TMEM134: variants seen among roughly 807,000 people sequenced by gnomAD.
The protein encoded by TMEM134 is transmembrane protein 134.
A neutral mutation model predicts 26.2 loss-of-function variants in TMEM134; 36 were observed. The observed-to-expected ratio is 1.37, with a 90% CI of 1.05 to 1.81. The LOEUF is 1.81. Ranked by LOEUF, TMEM134 falls within the 40% of genes most tolerant of loss-of-function variation. The pLI, the probability that TMEM134 is intolerant of heterozygous loss-of-function variation, is 0.00. For synonymous variants in TMEM134, 133 were observed against 113.6 expected (o/e 1.17, Z -1.08); for missense variants, 339 against 263.5 (o/e 1.29, Z -1.98).
At chr11:67,464,753 C>T in intron 6 of TMEM134, 50 bp downstream of exon 6, 2 of 1,550,486 alleles carry the variant, frequency 1.3e-6, no homozygotes, top group East Asian at 2.4e-5. Flanking sequence ...ACACCGCCCC[C>T]AGTGCCGCCC....
chr11:67,464,992 GC>G, intron 5 of TMEM134, 63 bp downstream of exon 5: 1 of 1,494,074 alleles, frequency 6.7e-7, no homozygotes, highest in South Asian at 1.2e-5. Context: ...GGGAGGGCTT[GC>G]CGTGGACCCG....
Position 67,468,080 on chromosome 11 carries a change from C to A in TMEM134, c.187G>T (p.Asp63Tyr). The change falls in exon 2 of 7, where the codon GAT (aspartate) becomes TAT (tyrosine). Residue 63 changes from aspartate to tyrosine, a missense_variant. Physicochemically the swap from Asp to Tyr is radical, Grantham distance 160. Coordinates refer to ENST00000308022, the MANE Select transcript of TMEM134 (RefSeq NM_025124.4). Reference protein sequence around the residue: ...SRLRYQNLENDEDGAQASPEP... With the variant: ...SRLRYQNLENYEDGAQASPEP... ...GGAGAGGCCTGGGCTCCATCCTCATCGTTCTCCAGGTTCTGTTGCAGAACA... is the reference window on the plus strand; with the variant it reads ...GGAGAGGCCTGGGCTCCATCCTCATAGTTCTCCAGGTTCTGTTGCAGAACA... 1 of 1,564,180 alleles carries A rather than the reference C, an allele frequency of 6.4e-7. No homozygotes were observed. The highest frequency in any genetic ancestry group is 2.4e-5 in the East Asian group (1 of 41,878).
intron 2 of TMEM134, 44 bp downstream of exon 2, chr11:67,467,984 A>T (rs1283078310): frequency 1.6e-5 from 24 of 1,534,070 alleles, no homozygotes; most frequent in Non-Finnish European, 2.1e-5. Context: ...TGGGGATAGG[A>T]GCTGGGGCTG....
chr11:67,464,287 G>C lies in TMEM134; in HGVS notation c.*327C>G. On this transcript the variant is annotated 3_prime_UTR_variant, in exon 7 of 7. Coordinates refer to ENST00000308022, the MANE Select transcript of TMEM134 (RefSeq NM_025124.4). Reference sequence around the variant, plus strand: ...CTTCAGCGTCAGGGTCAGTCCTTGGGAGGGGGGCTGTGGTCAGGCTGGTGG... The same window carrying C: ...CTTCAGCGTCAGGGTCAGTCCTTGGCAGGGGGGCTGTGGTCAGGCTGGTGG... 2 of 440,548 alleles carry C rather than the reference G, an allele frequency of 4.5e-6. No homozygotes were observed. The highest frequency in any genetic ancestry group is 4.2e-6 in the Non-Finnish European group (1 of 240,124). 27.3% of individuals were successfully genotyped at this position (440,548 alleles called of 1,614,324 possible).
Position 67,467,626 on chromosome 11 carries a change from C to T in TMEM134, c.240-36G>A, listed in dbSNP as rs764335417. The T allele has an allele frequency of 6.2e-6, 10 of 1,606,066 alleles. No homozygotes were observed. The East Asian group carries it at 2.2e-4, about 36-fold the overall frequency. On this transcript the variant is annotated intron_variant, in intron 2 of 6. Transcript: ENST00000308022. ...AGGCGCCCAGTGAGGGGCAGGGAGG[C>T]AAGGACGGGGTTGCTTTGGGACAGG...
intron 1 of TMEM134, 112 bp downstream of exon 1, chr11:67,468,907 G>A: frequency 3.6e-6 from 4 of 1,113,548 alleles, no homozygotes; most frequent in Non-Finnish European, 3.5e-6. Flanking sequence ...GGGCGGTCTC[G>A]CGCTTCAGCT....
In TMEM134 at chr11:67,463,953, G is replaced by C. The variant is rs537775689; in HGVS notation, c.*661C>G. 7.1e-5 allele frequency: 11 copies of C among 154,774 alleles called. No homozygotes were observed. The South Asian group carries it at 2.1e-3, about 29-fold the overall frequency. 9.6% of individuals were successfully genotyped at this position (154,774 alleles called of 1,614,324 possible). A position where few individuals can be genotyped will look rare whatever the true frequency, so the allele number is the denominator to read the frequency against. On this transcript the variant is annotated 3_prime_UTR_variant, in exon 7 of 7. Coordinates refer to ENST00000308022, the MANE Select transcript of TMEM134 (RefSeq NM_025124.4). Reference sequence around the variant, plus strand: ...GGAGGGCAGTGGGTGGAGGGGGCTGGGCCATTGCCTTGACATGGCCCACAT... The same window carrying C: ...GGAGGGCAGTGGGTGGAGGGGGCTGCGCCATTGCCTTGACATGGCCCACAT...
intron 4 of TMEM134, chr11:67,466,755 GA>G (rs1865274998): frequency 1.2e-5 from 2 of 160,928 alleles, no homozygotes; most frequent in African/African-American, 4.8e-5. Context: ...GGGAGCCAAA[GA>G]ACACCTGGTG....
chr11:67,465,187 T>C (rs1591015865), intron 4 of TMEM134, 87 bp from the exon 5 acceptor site: 1 of 1,534,644 alleles, frequency 6.5e-7, no homozygotes, highest in South Asian at 1.2e-5. Context: ...ACCCACCACC[T>C]GAGCTGAAGG....
chr11:67,465,155 G>A (rs1328308784), intron 4 of TMEM134, 55 bp from the exon 5 acceptor site: 2 of 1,537,594 alleles, frequency 1.3e-6, no homozygotes, highest in African/African-American at 2.7e-5. Flanking sequence ...GAGGGCGGGG[G>A]CTCCCACCCC....
rs1865037913 is a variant in TMEM134, at chr11:67,462,196, G to A, written c.*2418C>T. On this transcript the variant is annotated 3_prime_UTR_variant, in exon 7 of 7. Coordinates refer to ENST00000308022, the MANE Select transcript of TMEM134 (RefSeq NM_025124.4). ...AAAAAACAAAAAAAAAAAAAACAAG[G>A]AGTAAAAAGTTGTTAGCTGCGATTC... 6.6e-6 allele frequency: 1 copy of A among 150,960 alleles called. No individual in the cohort carries two copies. Among genetic ancestry groups the A allele is most frequent in the African/African-American group, 2.4e-5 (1 of 41,010 alleles). The allele number at this position is 150,960 out of a possible 1,614,324, so 9.4% of individuals were successfully genotyped here. A position where few individuals can be genotyped will look rare whatever the true frequency, so the allele number is the denominator to read the frequency against.
At position 67,467,560 on chromosome 11, in the gene TMEM134, G is replaced by C; in HGVS notation, c.270C>G (p.Ser90=). 6.2e-7 allele frequency: 1 copy of C among 1,614,122 alleles called. No homozygotes were observed. The highest frequency in any genetic ancestry group is 2.2e-5 in the East Asian group (1 of 44,890). Residue 90 remains serine (S), a synonymous_variant, in exon 3 of 7, where the codon TCC becomes TCG. Transcript: ENST00000308022. ...TGCTGATGGTGCTGAAGGACCACTGGGAGCTGCGGATGGAAGTTCGGCTGG... is the reference window on the plus strand; with the variant it reads ...TGCTGATGGTGCTGAAGGACCACTGCGAGCTGCGGATGGAAGTTCGGCTGG... The part of the protein sequence containing the change: ...RDSSRTSIRS[S]QWSFSTISSS...
In TMEM134 at chr11:67,464,638, G is replaced by T. The variant is rs1390974447; in HGVS notation, c.564C>A (p.Phe188Leu). 6 of 1,552,732 alleles carry T rather than the reference G, an allele frequency of 3.9e-6. No individual in the cohort carries two copies. The highest frequency in any genetic ancestry group is 4.4e-6 in the Non-Finnish European group (5 of 1,147,630). The change falls in exon 7 of 7, where the codon TTC (phenylalanine) becomes TTA (leucine). Residue 188 changes from phenylalanine (F) to leucine (L), a missense_variant. Phe to Leu is a conservative substitution (Grantham distance 22, BLOSUM62 0). Coordinates refer to ENST00000308022, the MANE Select transcript of TMEM134 (RefSeq NM_025124.4). ...AVKGHRGFQF[F>L]YLPYFEK is the part of the protein sequence containing the mutation. ...ATCACTTCTCGAAGTAGGGCAGGTAGAAGAACTGGAAGCCCCGGTGGCCCT... is the reference window on the plus strand; with the variant it reads ...ATCACTTCTCGAAGTAGGGCAGGTATAAGAACTGGAAGCCCCGGTGGCCCT...
In TMEM134 at chr11:67,464,815, A is replaced by G. The variant is rs1394064056; in HGVS notation, c.493T>C (p.Leu165=). The G allele has an allele frequency of 6.2e-7, 1 of 1,609,876 alleles. No homozygotes were observed. The highest frequency in any genetic ancestry group is 8.5e-7 in the Non-Finnish European group (1 of 1,179,448). ...AIFFVPGFLL[L]VPGVYHVIFI... ...TGCCCGCTCGCACCTCCAGGCACCA[A>G]CAACAGGAAGCCCGGCACGAAGAAG... The change falls in exon 6 of 7, where the codon TTG becomes CTG. Residue 165 remains leucine (L), a synonymous_variant. Coordinates refer to ENST00000308022, the MANE Select transcript of TMEM134 (RefSeq NM_025124.4).
Position 67,464,220 on chromosome 11 carries a change from C to T in TMEM134, c.*394G>A. ...ACATGCCCCGTGCCCTTGGGCAAGC[C>T]TCAGCATCAGGGCTGCCACGCGTTC... On this transcript the variant is annotated 3_prime_UTR_variant, in exon 7 of 7. Coordinates refer to ENST00000308022, the MANE Select transcript of TMEM134 (RefSeq NM_025124.4). 3.2e-6 allele frequency: 1 copy of T among 308,146 alleles called. No individual in the cohort carries two copies. The highest frequency in any genetic ancestry group is 2.8e-5 in the South Asian group (1 of 35,780). 19.1% of individuals were successfully genotyped at this position (308,146 alleles called of 1,614,324 possible). A position where few individuals can be genotyped will look rare whatever the true frequency, so the allele number is the denominator to read the frequency against.
Position 67,469,089 on chromosome 11 carries a change from G to T in TMEM134, c.104C>A (p.Pro35Gln). Reference sequence around the variant, plus strand: ...CCGGGCCCGACGCTCGAAGTGCAGCGGCCCAAAGCGCGCGACCCCGCTGGA... The same window carrying T: ...CCGGGCCCGACGCTCGAAGTGCAGCTGCCCAAAGCGCGCGACCCCGCTGGA... ...PESSGVARFGPLHFERRARFE... is the reference protein window; with the variant it reads ...PESSGVARFGQLHFERRARFE... Residue 35 changes from proline (P) to glutamine (Q), a missense_variant, in exon 1 of 7, where the codon CCG (proline) becomes CAG (glutamine). Pro to Gln is a moderately conservative substitution (Grantham distance 76, BLOSUM62 -1). Transcript: ENST00000308022. 2 of 1,511,686 alleles carry T rather than the reference G, an allele frequency of 1.3e-6. No individual in the cohort carries two copies. The highest frequency in any genetic ancestry group is 8.8e-7 in the Non-Finnish European group (1 of 1,130,122). The allele number at this position is 1,511,686 out of a possible 1,614,324, so 93.6% of individuals were successfully genotyped here. A position where few individuals can be genotyped will look rare whatever the true frequency, so the allele number is the denominator to read the frequency against.
At chr11:67,465,367 T>A in intron 4 of TMEM134, 1 of 891,954 alleles carries the variant, frequency 1.1e-6, no homozygotes. Context: ...TGCCTGGTAC[T>A]GGGAATTCCG....
chr11:67,467,551 G>A lies in TMEM134; in HGVS notation c.279C>T (p.Ser93=), dbSNP rs781646382. The stretch of plus-strand genomic sequence containing the variant: ...GGGTGCTGCTGCTGATGGTGCTGAA[G>A]GACCACTGGGAGCTGCGGATGGAAG... ...SRTSIRSSQW[S]FSTISSSTQR... Residue 93 remains serine (S), a synonymous_variant, in exon 3 of 7, where the codon TCC becomes TCT. Transcript: ENST00000308022. 1 of 1,614,102 alleles carries A rather than the reference G, an allele frequency of 6.2e-7. No individual in the cohort carries two copies. The highest frequency in any genetic ancestry group is 8.5e-7 in the Non-Finnish European group (1 of 1,180,032).
intron 2 of TMEM134, 37 bp downstream of exon 2, chr11:67,467,991 G>T: frequency 6.5e-7 from 1 of 1,544,848 alleles, no homozygotes; most frequent in Non-Finnish European, 8.8e-7. Context: ...AGGAGCTGGG[G>T]CTGGGGTACA....
Sources: allele counts gnomAD v4.1 joint callset, GRCh38; gene constraint gnomAD v4.1.1; transcripts MANE v1.5; gene names NCBI Gene and HGNC (gene_info 2026-07-23, HGNC 2026-07-21).